THAP4: variants seen among roughly 807,000 people sequenced by gnomAD.
The protein encoded by THAP4 is THAP domain containing 4.
Under a neutral mutation model 48.1 loss-of-function variants are expected in THAP4, and 18 were observed. That is an observed-to-expected ratio of 0.37 (90% CI 0.26 to 0.56). The LOEUF (loss-of-function observed/expected upper bound fraction) is 0.56. Ranked by LOEUF, THAP4 falls within the 20% of genes least tolerant of loss-of-function variation. THAP4 has a pLI of 0.78. For missense variants in THAP4, 656 were observed against 774.9 expected, an observed-to-expected ratio of 0.85 and a Z score of 1.82; for synonymous variants, 345 against 324.9, an observed-to-expected ratio of 1.06 and a Z score of -0.66.
intron 5 of THAP4, among the ~76,000 whole-genome samples, chr2:241,591,143 A>G (rs62192994): frequency 0.13 from 5,092 of 39,544 alleles, 37 homozygotes; most frequent in Middle Eastern, 0.26. Context: ...GACACTCAGA[A>G]CTGCCCGGCT....
intron 1 of THAP4, among the ~76,000 whole-genome samples, chr2:241,634,988 AGAG>A (rs1190749785): frequency 6.6e-6 from 1 of 152,246 alleles, no homozygotes; most frequent in African/African-American, 2.4e-5. Context: ...GAGCCTAGGG[AGAG>A]GAGGACTGGG....
chr2:241,602,635 G>C (rs1486727822), intron 4 of THAP4, among the ~76,000 whole-genome samples: 2 of 152,222 alleles, frequency 1.3e-5, no homozygotes, highest in Admixed American at 6.5e-5. Flanking sequence ...CAAAGTGCTG[G>C]GATTACAGGC....
At chr2:241,584,754 T>C (rs1559213593) in intron 5 of THAP4, 29 bp from the exon 6 acceptor site, 1 of 1,614,048 alleles carries the variant, frequency 6.2e-7, no homozygotes, top group Non-Finnish European at 8.5e-7. Context: ...CAAAGATAGC[T>C]TAGTTTTATC....
chr2:241,603,474 G>A (rs1179538600), intron 3 of THAP4, among the ~76,000 whole-genome samples: 1 of 128,754 alleles, frequency 7.8e-6, no homozygotes, highest in African/African-American at 2.9e-5. Context: ...TCCTGAAGAC[G>A]GGCTGTTCCA....
At chr2:241,588,044 G>C (rs2066914202) in intron 5 of THAP4, among the ~76,000 whole-genome samples, 1 of 150,274 alleles carries the variant, frequency 6.7e-6, no homozygotes, top group African/African-American at 2.4e-5. Context: ...AGGGAGGGAG[G>C]GAGGGAGGGA....
At chr2:241,591,516 T>C (rs1025480730) in intron 5 of THAP4, among the ~76,000 whole-genome samples, 3 of 152,238 alleles carry the variant, frequency 2.0e-5, no homozygotes, top group African/African-American at 7.2e-5. Flanking sequence ...CAGTGTGGTA[T>C]TGGCACAGGG....
At chr2:241,584,770 A>G (rs1261987417) in intron 5 of THAP4, 45 bp from the exon 6 acceptor site, 3 of 1,613,120 alleles carry the variant, frequency 1.9e-6, no homozygotes, top group Non-Finnish European at 2.5e-6. Context: ...TTATCTTCAA[A>G]AGATTCAATC....
chr2:241,615,744 T>TCACCTCC (rs1392355437), intron 2 of THAP4, among the ~76,000 whole-genome samples: 1 of 152,202 alleles, frequency 6.6e-6, no homozygotes, highest in Admixed American at 6.5e-5. Flanking sequence ...CCGGTGCCTC[T>TCACCTCC]CACCTCCCAC....
intron 5 of THAP4, among the ~76,000 whole-genome samples, chr2:241,591,195 T>C (rs1044389921): frequency 1.8e-4 from 25 of 142,072 alleles, no homozygotes; most frequent in African/African-American, 2.1e-4. Context: ...GCTCGGCTGA[T>C]GATGATGGGC....
intron 3 of THAP4, among the ~76,000 whole-genome samples, chr2:241,603,556 C>T (rs2125077577): frequency 6.6e-6 from 1 of 152,258 alleles, no homozygotes. Flanking sequence ...TGCCTGCTGA[C>T]CCTCAGCTCC....
chr2:241,619,416 C>T (rs1287521371), intron 2 of THAP4, among the ~76,000 whole-genome samples: 12 of 152,260 alleles, frequency 7.9e-5, no homozygotes, highest in African/African-American at 2.9e-4. Flanking sequence ...TCACAGAGTG[C>T]ACTTACCGCG....
chr2:241,611,111 G>A (rs972309757), intron 2 of THAP4, among the ~76,000 whole-genome samples: 1 of 152,202 alleles, frequency 6.6e-6, no homozygotes, highest in African/African-American at 2.4e-5. Context: ...CGGATGCTGT[G>A]AGAAGTGGTG....
intron 5 of THAP4, among the ~76,000 whole-genome samples, chr2:241,596,895 A>G (rs911055732): frequency 1.3e-5 from 2 of 150,796 alleles, no homozygotes; most frequent in Admixed American, 6.6e-5. Flanking sequence ...TGGGTGAGTC[A>G]GTGAGTGAGT....
At chr2:241,608,945 G>T in intron 2 of THAP4, among the ~76,000 whole-genome samples, 1 of 152,340 alleles carries the variant, frequency 6.6e-6, no homozygotes, top group South Asian at 2.1e-4. Context: ...TCCTGGGTAC[G>T]TAGGCCTGGT....
intron 5 of THAP4, among the ~76,000 whole-genome samples, chr2:241,600,479 G>A (rs569210235): frequency 6.6e-6 from 1 of 152,248 alleles, no homozygotes; most frequent in East Asian, 1.9e-4. Flanking sequence ...TGTAATCCTA[G>A]CACTTTGGGA....
rs535834971 is a variant in THAP4, at chr2:241,589,997, T to C, written c.1615-5272A>G. 1.6e-4 allele frequency among the ~76,000 whole-genome samples: 23 copies of C among 144,312 alleles called. No homozygotes were observed. In the South Asian group the frequency reaches 3.9e-3, roughly 24 times the overall value. The allele number at this position is 144,312 out of a possible 152,430, so 94.7% of individuals were successfully genotyped here. On this transcript the variant is annotated intron_variant, in intron 5 of 5. Transcript: ENST00000407315. ...CTCAGAGCTGCTCGGCTGACGATGA[T>C]GGGCACTAGGACACTCAGAGCTGCT...
At chr2:241,626,571 T>C (rs2067497993) in intron 2 of THAP4, among the ~76,000 whole-genome samples, 1 of 142,190 alleles carries the variant, frequency 7.0e-6, no homozygotes, top group African/African-American at 2.5e-5. Flanking sequence ...ACAGTTTTTG[T>C]TTTTTTTTTT....
chr2:241,603,676 C>A (rs2067145949), intron 3 of THAP4, among the ~76,000 whole-genome samples: 1 of 152,222 alleles, frequency 6.6e-6, no homozygotes, highest in Non-Finnish European at 1.5e-5. Flanking sequence ...TAAACCTCAC[C>A]CTAACACAAT....
rs1575028164 is a variant in THAP4 at position 241,610,128 on chromosome 2, G to A, written c.1241-3655C>T. 1.3e-5 allele frequency among the ~76,000 whole-genome samples: 2 copies of A among 152,342 alleles called. No homozygotes were observed. The highest frequency in any genetic ancestry group is 2.9e-5 in the Non-Finnish European group (2 of 68,022). The stretch of plus-strand genomic sequence containing the variant: ...AAGGGGCCTGGCGGCGCCCCCCAGG[G>A]TCCCAGTGGAACAGGGGCACCAGGG... On this transcript the variant is annotated intron_variant, in intron 2 of 5. Transcript: ENST00000407315. The surrounding 1 kb of genome is among the most constrained non-coding windows in gnomAD (Gnocchi z 4.2).
Sources: allele counts gnomAD v4.1 joint callset (sites outside exome capture counted in the v4.1 genomes callset), GRCh38; gene constraint gnomAD v4.1.1; non-coding constraint Gnocchi (gnomAD v3.1); transcripts MANE v1.5; gene names NCBI Gene and HGNC (gene_info 2026-07-23, HGNC 2026-07-21).